The following EMSY variants were observed in gnomAD, a reference collection of about 807,000 sequenced individuals.
EMSY encodes BRCA2-interacting transcriptional repressor EMSY.
In EMSY, 26 loss-of-function variants were observed where a neutral mutation model predicts 134.6. The observed-to-expected ratio is 0.19, with a 90% CI of 0.14 to 0.27. EMSY has a LOEUF of 0.27. Among genes scored for constraint, EMSY ranks in the 10% least tolerant of loss-of-function variants. The pLI is 1.00. For missense variants in EMSY, 1,305 were observed against 1,611.4 expected, an observed-to-expected ratio of 0.81 and a Z score of 3.26; for synonymous variants, 579 against 577.8, an observed-to-expected ratio of 1.00 and a Z score of -0.03.
At chr11:76,521,472 G>A (rs1416752936) in intron 11 of EMSY, among the ~76,000 whole-genome samples, 1 of 152,134 alleles carries the variant, frequency 6.6e-6, no homozygotes, top group Non-Finnish European at 1.5e-5. Flanking sequence ...GAGTTAAGAC[G>A]AGGAAACAGG....
intron 1 of EMSY, among the ~76,000 whole-genome samples, 172 bp from the exon 2 acceptor site, chr11:76,446,728 G>C (rs946507927): frequency 1.3e-5 from 2 of 152,208 alleles, no homozygotes; most frequent in Non-Finnish European, 1.5e-5. Context: ...TAGTTCAAAT[G>C]ACTTAATTCT....
intron 14 of EMSY, among the ~76,000 whole-genome samples, chr11:76,530,155 G>GTTTT (rs61227279): frequency 2.4e-4 from 28 of 114,332 alleles, no homozygotes; most frequent in African/African-American, 6.6e-4. Flanking sequence ...AATCTTTAGG[G>GTTTT]TTTTTTTTTT....
At chr11:76,510,648 G>A (rs1950241789) in intron 9 of EMSY, among the ~76,000 whole-genome samples, 1 of 152,194 alleles carries the variant, frequency 6.6e-6, no homozygotes, top group Admixed American at 6.5e-5. Context: ...CCAAGGTAGA[G>A]CTTTGTCCAC....
chr11:76,452,957 A>G (rs1039407837), intron 3 of EMSY, among the ~76,000 whole-genome samples: 1 of 152,206 alleles, frequency 6.6e-6, no homozygotes, highest in African/African-American at 2.4e-5. Flanking sequence ...AGCAGTCACA[A>G]TTAGGAAGCC....
intron 14 of EMSY, among the ~76,000 whole-genome samples, chr11:76,533,176 G>A (rs1172550478): frequency 6.6e-6 from 1 of 152,092 alleles, no homozygotes; most frequent in East Asian, 1.9e-4. Context: ...TAGTTTAGAA[G>A]CAATGATTTA....
chr11:76,491,374 G>A (rs1363495987), intron 8 of EMSY, among the ~76,000 whole-genome samples: 1 of 151,900 alleles, frequency 6.6e-6, no homozygotes. Flanking sequence ...TAGAGACAGG[G>A]TCTTGCTATG....
intron 8 of EMSY, among the ~76,000 whole-genome samples, chr11:76,488,534 TG>T (rs1408059797): frequency 1.8e-4 from 26 of 142,198 alleles, no homozygotes; most frequent in South Asian, 2.3e-4. Context: ...ATTTTTTTTT[TG>T]TTTTTTTTTT....
chr11:76,492,193 G>A (rs1396494991), intron 8 of EMSY, among the ~76,000 whole-genome samples: 3 of 152,160 alleles, frequency 2.0e-5, no homozygotes, highest in African/African-American at 7.2e-5. Context: ...TACACTTCTG[G>A]CTGGGCGCAG....
rs992528727 is a variant in EMSY at position 76,484,440 on chromosome 11, C to A, written c.1108+11600C>A. On this transcript the variant is annotated intron_variant, in intron 8 of 20. Transcript: ENST00000334736. ...GGAGATAGAGATACGAAAAACCCTT[C>A]AAAAAATCAGTGAATCCAGGAGCTG... is the stretch of plus-strand genomic sequence containing the variant. Among the ~76,000 whole-genome samples, 15 of 152,116 alleles carry A rather than the reference C, an allele frequency of 9.9e-5. No individual in the cohort carries two copies. In the East Asian group the frequency reaches 1.4e-3, roughly 14 times the overall value.
At chr11:76,507,590 C>T (rs968027918) in intron 9 of EMSY, among the ~76,000 whole-genome samples, 2 of 152,198 alleles carry the variant, frequency 1.3e-5, no homozygotes, top group Non-Finnish European at 2.9e-5. Context: ...TGAGAAGCAA[C>T]TCCTCATCTA....
intron 9 of EMSY, among the ~76,000 whole-genome samples, chr11:76,508,624 C>A (rs969483843): frequency 1.3e-5 from 2 of 152,170 alleles, no homozygotes; most frequent in East Asian, 3.9e-4. Flanking sequence ...TATGAAAGTC[C>A]TAGATGGCAT....
intron 14 of EMSY, among the ~76,000 whole-genome samples, chr11:76,530,455 C>T (rs1951000146): frequency 6.6e-6 from 1 of 152,182 alleles, no homozygotes; most frequent in African/African-American, 2.4e-5. Context: ...GCCACTGCGT[C>T]CAGCTGAATC....
chr11:76,550,193 G>A (rs1016275229), exon 21 of EMSY: 2 of 1,453,560 alleles, frequency 1.4e-6, no homozygotes, highest in Non-Finnish European at 1.8e-6. Context: ...GTTACCAAGT[G>A]TCCAGGGAAA....
At chr11:76,542,633 G>GT (rs1204560755) in intron 18 of EMSY, among the ~76,000 whole-genome samples, 1 of 151,986 alleles carries the variant, frequency 6.6e-6, no homozygotes, top group African/African-American at 2.4e-5. Context: ...ATTGGTCACT[G>GT]TTTTTGTGTA....
chr11:76,528,181 G>A, intron 13 of EMSY, 87 bp from the exon 15 acceptor site: 8 of 1,198,356 alleles, frequency 6.7e-6, no homozygotes, highest in Non-Finnish European at 9.6e-6. Context: ...TCCATACCAG[G>A]AAAATATTAG....
intron 15 of EMSY, among the ~76,000 whole-genome samples, chr11:76,537,080 G>C (rs1172166637): frequency 6.6e-6 from 1 of 152,078 alleles, no homozygotes; most frequent in Non-Finnish European, 1.5e-5. Context: ...TGACCTTAGG[G>C]ATTTCTTCGG....
chr11:76,458,564 T>TTA (rs1947971248), intron 5 of EMSY: 1 of 458,030 alleles, frequency 2.2e-6, no homozygotes. Context: ...AAGGTGTGAA[T>TTA]TATGTTAATC....
chr11:76,526,624 G>A, exon 13 of EMSY: 1 of 1,612,486 alleles, frequency 6.2e-7, no homozygotes, highest in Non-Finnish European at 8.5e-7. Context: ...TGGGCAGCAA[G>A]GGAAAACGCA....
At chr11:76,520,991 A>G (rs1950619704) in intron 11 of EMSY, among the ~76,000 whole-genome samples, 1 of 152,220 alleles carries the variant, frequency 6.6e-6, no homozygotes, top group Non-Finnish European at 1.5e-5. Flanking sequence ...AGGAAATTAC[A>G]GGAGCAAAAG....
Sources: gnomAD v4.1 joint callset for allele counts (sites outside exome capture counted in the v4.1 genomes callset) on GRCh38, gnomAD v4.1.1 for gene constraint, MANE v1.5 for transcripts, NCBI Gene and HGNC (gene_info 2026-07-23, HGNC 2026-07-21) for gene names.